Variants in ANXA10 observed in about 807,000 individuals in gnomAD.
ANXA10 encodes annexin A10.
ANXA10 carries 49 observed loss-of-function variants against 53.5 expected under a neutral mutation model. The ratio of observed to expected loss-of-function variants is 0.92; its 90% CI spans 0.73 to 1.16. The LOEUF (loss-of-function observed/expected upper bound fraction) is 1.16. Ranked by LOEUF, ANXA10 falls within the 50% of genes most tolerant of loss-of-function variation. ANXA10 has a pLI of 0.00. For synonymous variants in ANXA10, 131 were observed against 128.9 expected, an observed-to-expected ratio of 1.02 and a Z score of -0.11; for missense variants, 393 against 394.4, an observed-to-expected ratio of 1.00 and a Z score of 0.03.
At chr4:168,172,229 T>C (rs576723525) in intron 6 of ANXA10, among the ~76,000 whole-genome samples, 4 of 152,246 alleles carry the variant, frequency 2.6e-5, no homozygotes, top group Admixed American at 1.3e-4. Flanking sequence ...ATCTTACTTA[T>C]TCACATTGTT....
chr4:168,177,568 A>G (rs1732154078), intron 6 of ANXA10, among the ~76,000 whole-genome samples, 172 bp from the exon 7 acceptor site: 1 of 152,222 alleles, frequency 6.6e-6, no homozygotes, highest in Non-Finnish European at 1.5e-5. Context: ...ACAAAACCTT[A>G]TACACTATCT....
intron 1 of ANXA10, among the ~76,000 whole-genome samples, chr4:168,124,254 A>G (rs1366890914): frequency 6.6e-6 from 1 of 152,208 alleles, no homozygotes; most frequent in Admixed American, 6.5e-5. Context: ...AACATCTTGT[A>G]TAGACGGTCG....
intron 1 of ANXA10, among the ~76,000 whole-genome samples, chr4:168,112,621 C>T: frequency 6.6e-6 from 1 of 152,128 alleles, no homozygotes; most frequent in Non-Finnish European, 1.5e-5. Flanking sequence ...ATTTCTCCTT[C>T]ATATGGAAGA....
intron 6 of ANXA10, among the ~76,000 whole-genome samples, chr4:168,176,163 T>C (rs893041503): frequency 6.6e-6 from 1 of 152,150 alleles, no homozygotes; most frequent in Non-Finnish European, 1.5e-5. Context: ...TAGATCAAGA[T>C]ATTGCCTGCA....
intron 3 of ANXA10, among the ~76,000 whole-genome samples, chr4:168,156,297 A>ATATTATATATAATAGTATATATTATG (rs1731674964): frequency 3.0e-5 from 2 of 67,490 alleles, no homozygotes; most frequent in Non-Finnish European, 5.2e-5. Flanking sequence ...ATTATATTAT[A>ATATTATATATAATAGTATATATTATG]TTATATATAA....
Position 168,114,661 on chromosome 4 carries a change from G to A in ANXA10, c.19-13423G>A, listed in dbSNP as rs1730863512. 2.0e-5 allele frequency among the ~76,000 whole-genome samples: 3 copies of A among 151,938 alleles called. 1 individual carries two copies. In the South Asian group the frequency reaches 6.2e-4, roughly 32 times the overall value. On this transcript the variant is annotated intron_variant, in intron 1 of 11. Transcript: ENST00000359299. The stretch of plus-strand genomic sequence containing the variant: ...CCTCCCAAAATCCACCCTCTGAAAG[G>A]ATCCAATGTGTGCTGTTCTCCCTCT...
At chr4:168,122,684 GGCGAAAACAGGA>G (rs2149468701) in intron 1 of ANXA10, among the ~76,000 whole-genome samples, 1 of 152,256 alleles carries the variant, frequency 6.6e-6, no homozygotes, top group South Asian at 2.1e-4. Context: ...CCCGTCACAT[GGCGAAAACAGGA>G]GCAAGAGAGA....
intron 3 of ANXA10, among the ~76,000 whole-genome samples, chr4:168,156,193 T>TATATA (rs1166929728): frequency 4.4e-5 from 1 of 22,550 alleles, no homozygotes. Flanking sequence ...TTATATATTA[T>TATATA]ATATAATATA....
chr4:168,154,439 T>C (rs367894524), intron 3 of ANXA10, among the ~76,000 whole-genome samples: 2 of 152,286 alleles, frequency 1.3e-5, no homozygotes, highest in South Asian at 4.1e-4. Flanking sequence ...TATGCACATA[T>C]ATTTATCATA....
In ANXA10 at chr4:168,104,346, T is replaced by G. The variant is rs1265391081; in HGVS notation, c.18+11628T>G. 4.6e-5 allele frequency among the ~76,000 whole-genome samples: 7 copies of G among 151,902 alleles called. No individual in the cohort carries two copies. The East Asian group carries it at 1.3e-3, about 29-fold the overall frequency. On this transcript the variant is annotated intron_variant, in intron 1 of 11. Coordinates refer to ENST00000359299, the MANE Select transcript of ANXA10 (RefSeq NM_007193.5). ...GCATTTATGTTCATAAGGGTTACTA[T>G]CCTACAATTTTCTTTTCTTGTAATG...
intron 11 of ANXA10, 151 bp from the exon 12 acceptor site, chr4:168,187,215 G>C: frequency 2.4e-6 from 1 of 409,260 alleles, no homozygotes; most frequent in Admixed American, 4.1e-5. Flanking sequence ...GCAGTACTTA[G>C]GGCATGTTAA....
intron 1 of ANXA10, among the ~76,000 whole-genome samples, chr4:168,102,390 G>T (rs2149464535): frequency 6.6e-6 from 1 of 152,094 alleles, no homozygotes; most frequent in East Asian, 1.9e-4. Context: ...CACACTGCCT[G>T]CCTGTAGTCA....
intron 2 of ANXA10, among the ~76,000 whole-genome samples, chr4:168,136,962 T>C (rs1731248218): frequency 6.6e-6 from 1 of 152,224 alleles, no homozygotes. Context: ...TTGCTGTCCA[T>C]GCACTCACAG....
At chr4:168,170,831 AG>A (rs11287006) in intron 6 of ANXA10, among the ~76,000 whole-genome samples, 3,027 of 152,264 alleles carry the variant, frequency 0.02, 108 homozygotes, top group African/African-American at 0.068. Flanking sequence ...TATTTCATAA[AG>A]ATTATTTAAC....
intron 1 of ANXA10, among the ~76,000 whole-genome samples, chr4:168,116,207 T>C (rs9312271): frequency 0.087 from 13,267 of 152,038 alleles, 1,945 homozygotes; most frequent in African/African-American, 0.3. Context: ...AAATTTTGAG[T>C]GGGATACAAT....
Position 168,178,104 on chromosome 4 carries a change from G to C in ANXA10, c.628+121G>C, listed in dbSNP as rs1387414919. The C allele has an allele frequency of 8.2e-6, 7 of 849,810 alleles. No individual in the cohort carries two copies. The East Asian group carries it at 1.9e-4, about 23-fold the overall frequency. The allele number at this position is 849,810 out of a possible 1,614,324, so 52.6% of individuals were successfully genotyped here. Reference sequence around the variant, plus strand: ...ATAGCGGAAAGTCAGTTATCTCAAAGGTACTTATTTTGAATTTTGTTTATA... The same window carrying C: ...ATAGCGGAAAGTCAGTTATCTCAAACGTACTTATTTTGAATTTTGTTTATA... On this transcript the variant is annotated intron_variant, in intron 8 of 11. Transcript: ENST00000359299.
At chr4:168,179,381 G>T in intron 9 of ANXA10, 69 bp downstream of exon 9, 1 of 1,098,100 alleles carries the variant, frequency 9.1e-7, no homozygotes, top group South Asian at 1.4e-5. Context: ...GGCTCTGATT[G>T]AACTAAAGAT....
intron 3 of ANXA10, among the ~76,000 whole-genome samples, chr4:168,145,910 T>G (rs1411905717): frequency 7.7e-6 from 1 of 129,534 alleles, no homozygotes; most frequent in Non-Finnish European, 1.6e-5. Context: ...TGACTCTTAG[T>G]CTATTGTTGA....
intron 6 of ANXA10, among the ~76,000 whole-genome samples, chr4:168,170,826 C>T (rs1423712918): frequency 6.6e-6 from 1 of 151,698 alleles, no homozygotes; most frequent in Non-Finnish European, 1.5e-5. Context: ...ATACATATTT[C>T]ATAAAGATTA....
Sources: allele counts gnomAD v4.1 joint callset (sites outside exome capture counted in the v4.1 genomes callset), GRCh38; gene constraint gnomAD v4.1.1; transcripts MANE v1.5; gene names NCBI Gene and HGNC (gene_info 2026-07-23, HGNC 2026-07-21).